CIT: variants seen among roughly 807,000 people sequenced by gnomAD.
The protein encoded by CIT is citron Rho-interacting kinase.
A neutral mutation model predicts 272.7 loss-of-function variants in CIT; 79 were observed. That is an observed-to-expected ratio of 0.29 (90% CI 0.24 to 0.35). The LOEUF is 0.35. CIT is among the 10% of genes least tolerant of loss of function. The pLI is 1.00. For synonymous variants in CIT, 948 were observed against 995.6 expected, an observed-to-expected ratio of 0.95 and a Z score of 0.90; for missense variants, 1,909 against 2,618.3, an observed-to-expected ratio of 0.73 and a Z score of 5.91.
At chr12:119,866,151 G>T (rs1338475619) in intron 3 of CIT, among the ~76,000 whole-genome samples, 1 of 152,044 alleles carries the variant, frequency 6.6e-6, no homozygotes, top group Non-Finnish European at 1.5e-5. Context: ...TCTTCCCTGG[G>T]GTTGTATTAA....
At chr12:119,756,101 C>T (rs1473368936) in intron 22 of CIT, among the ~76,000 whole-genome samples, 3 of 152,100 alleles carry the variant, frequency 2.0e-5, no homozygotes, top group Non-Finnish European at 4.4e-5. Context: ...AAACTGAAGC[C>T]CAGCAGAGAG....
chr12:119,758,446 G>C, intron 21 of CIT, 145 bp downstream of exon 21: 1 of 637,342 alleles, frequency 1.6e-6, no homozygotes, highest in African/African-American at 1.8e-5. Flanking sequence ...GACAGGGCAA[G>C]ATGACGTAAG....
intron 3 of CIT, among the ~76,000 whole-genome samples, chr12:119,864,800 A>C (rs930593007): frequency 7.2e-5 from 11 of 152,210 alleles, no homozygotes; most frequent in Non-Finnish European, 1.6e-4. Flanking sequence ...TGGGGATGTA[A>C]GAGTAATTAA....
chr12:119,770,430 A>G lies in CIT; in HGVS notation c.2208+355T>C, dbSNP rs1468560824. On this transcript the variant is annotated intron_variant, in intron 18 of 47. Transcript: ENST00000392521. The surrounding 1 kb of genome is among the most constrained non-coding windows in gnomAD (Gnocchi z 4.4). ...GGTCTAAACCCCTACAGCTTTTTAA[A>G]TTGGCAATGCGAAGTTGACAGCTAT... Among the ~76,000 whole-genome samples, 4 of 152,066 alleles carry G rather than the reference A, an allele frequency of 2.6e-5. No homozygotes were observed. The highest frequency in any genetic ancestry group is 5.9e-5 in the Non-Finnish European group (4 of 68,022).
At chr12:119,776,476 C>T in intron 14 of CIT, 68 bp from the exon 15 acceptor site, 1 of 1,366,566 alleles carries the variant, frequency 7.3e-7, no homozygotes, top group Non-Finnish European at 1.0e-6. Flanking sequence ...AGACTACTTT[C>T]TTGGTCTCTG....
chr12:119,702,046 T>A, intron 41 of CIT, 88 bp from the exon 42 acceptor site: 1 of 924,156 alleles, frequency 1.1e-6, no homozygotes, highest in Non-Finnish European at 1.8e-6. Context: ...CTACAGCATC[T>A]AGCCAAGCCC....
intron 17 of CIT, among the ~76,000 whole-genome samples, chr12:119,771,135 A>G (rs369532512): frequency 6.6e-6 from 1 of 152,224 alleles, no homozygotes; most frequent in South Asian, 2.1e-4. Flanking sequence ...AGCACCTACT[A>G]TCTGCAAAGT....
At position 119,712,654 on chromosome 12, in the gene CIT, C is replaced by T. The variant is rs747537867; in HGVS notation, c.4621G>A (p.Asp1541Asn). 1.2e-5 allele frequency: 19 copies of T among 1,614,100 alleles called. No individual in the cohort carries two copies. In the South Asian group the frequency reaches 1.8e-4, roughly 15 times the overall value. The change falls in exon 36 of 48, where the codon GAC becomes AAC. Residue 1541 changes from aspartate (D) to asparagine (N), a missense_variant. Physicochemically the swap from Asp to Asn is conservative, Grantham distance 23 (BLOSUM62 1). Around this residue, in one of 8 missense-constraint regions of CIT, gnomAD observed 780 missense variants for 1,067.2 expected, o/e 0.73. Coordinates refer to ENST00000392521, the MANE Select transcript of CIT (RefSeq NM_001206999.2). This position sits in a 1 kb window ranked among gnomAD's most constrained non-coding sequence, Gnocchi z 5.2. The stretch of plus-strand genomic sequence containing the variant: ...GCACCATGAATAGATACATCCCCGT[C>T]GGGAAGGCACAGCTCAAATTCTTCC... The part of the protein sequence containing the change: ...PVEEFELCLP[D>N]GDVSIHGAVG...
chr12:119,863,878 T>C (rs190272003), intron 3 of CIT, among the ~76,000 whole-genome samples: 29 of 151,310 alleles, frequency 1.9e-4, no homozygotes, highest in African/African-American at 7.0e-4. Context: ...GAAGGACTCA[T>C]GTTTGCCCCT....
intron 7 of CIT, among the ~76,000 whole-genome samples, chr12:119,830,589 CA>C (rs1968546789): frequency 7.1e-6 from 1 of 141,184 alleles, no homozygotes; most frequent in Admixed American, 7.7e-5. Flanking sequence ...CAGGCATGAT[CA>C]ACTAAGGGTT....
intron 28 of CIT, among the ~76,000 whole-genome samples, chr12:119,725,720 G>T (rs977280399): frequency 6.6e-6 from 1 of 152,234 alleles, no homozygotes; most frequent in African/African-American, 2.4e-5. Flanking sequence ...ACTGAATTGG[G>T]ATCCCGGCAC....
intron 2 of CIT, among the ~76,000 whole-genome samples, chr12:119,873,457 T>G (rs1415377990): frequency 6.6e-6 from 1 of 151,876 alleles, no homozygotes; most frequent in African/African-American, 2.4e-5. Flanking sequence ...TTTGTGTTTT[T>G]AGTAGAAACG....
Position 119,821,386 on chromosome 12 carries a change from C to T in CIT, c.1111+1434G>A, listed in dbSNP as rs534091729. Among the ~76,000 whole-genome samples the T allele has an allele frequency of 1.8e-4, 28 of 152,154 alleles. No homozygotes were observed. The South Asian group carries it at 3.5e-3, about 19-fold the overall frequency. ...GAGCTGGGAGTCAAATATATTATGCCTAATTTATAAGTTAAGCTTTATATA... is the reference window on the plus strand; with the variant it reads ...GAGCTGGGAGTCAAATATATTATGCTTAATTTATAAGTTAAGCTTTATATA... On this transcript the variant is annotated intron_variant, in intron 9 of 47. Transcript: ENST00000392521.
At chr12:119,723,307 G>T (rs1957900186) in intron 28 of CIT, among the ~76,000 whole-genome samples, 1 of 151,226 alleles carries the variant, frequency 6.6e-6, no homozygotes, top group South Asian at 2.1e-4. Context: ...AATCTGTTTG[G>T]TGACAGCCGA....
At chr12:119,736,385 A>G (rs1296660408) in intron 24 of CIT, among the ~76,000 whole-genome samples, 1 of 152,216 alleles carries the variant, frequency 6.6e-6, no homozygotes, top group Non-Finnish European at 1.5e-5. Flanking sequence ...TTGATTATCA[A>G]TTTAAAAAAA....
rs748717608 is a variant in CIT at position 119,708,239 on chromosome 12, G to T, written c.5151C>A (p.Pro1717=). The T allele has an allele frequency of 1.9e-6, 3 of 1,607,274 alleles. No homozygotes were observed. In the South Asian group the frequency reaches 3.3e-5, roughly 18 times the overall value. ...SLAQSHLPAQ[P]DISPNIFEAV... ...CTTCAAAAATGTTGGGTGAGATGTC[G>T]GGCTGGGCAGGCAGGTGGGACTGGG... The change falls in exon 40 of 48, where the codon CCC becomes CCA. Residue 1717 remains proline (P), a synonymous_variant. Transcript: ENST00000392521.
In CIT at chr12:119,784,255, C is replaced by T. The variant is rs1322693417; in HGVS notation, c.1402-204G>A. On this transcript the variant is annotated intron_variant, in intron 11 of 47. Coordinates refer to ENST00000392521, the MANE Select transcript of CIT (RefSeq NM_001206999.2). The surrounding 1 kb of genome is among the most constrained non-coding windows in gnomAD (Gnocchi z 4.7). ...ACAGTCACCAAATGCTAAGTCACTCCTCTCATTCAAGTCCCGGTTCACACT... is the reference window on the plus strand; with the variant it reads ...ACAGTCACCAAATGCTAAGTCACTCTTCTCATTCAAGTCCCGGTTCACACT... 3 of 1,585,372 alleles carry T rather than the reference C, an allele frequency of 1.9e-6. No individual in the cohort carries two copies. The highest frequency in any genetic ancestry group is 2.6e-6 in the Non-Finnish European group (3 of 1,162,768).
At chr12:119,871,461 C>T (rs894802070) in intron 2 of CIT, among the ~76,000 whole-genome samples, 6 of 152,132 alleles carry the variant, frequency 3.9e-5, no homozygotes, top group African/African-American at 1.4e-4. Context: ...TTAAGAAAAA[C>T]AAACAAACAA....
intron 2 of CIT, among the ~76,000 whole-genome samples, chr12:119,874,695 A>G (rs2705948): frequency 0.76 from 116,135 of 151,852 alleles, 44,552 homozygotes; most frequent in East Asian, 0.92. Context: ...TACCATCCTG[A>G]CTAACACAGT....
Sources: gnomAD v4.1 joint callset for allele counts (sites outside exome capture counted in the v4.1 genomes callset) on GRCh38, gnomAD v4.1.1 for gene constraint, gnomAD v4.1.1 regional missense constraint, Gnocchi (gnomAD v3.1) non-coding constraint, MANE v1.5 for transcripts, NCBI Gene and HGNC (gene_info 2026-07-23, HGNC 2026-07-21) for gene names.